The following CLEC2A variants were observed in gnomAD, a reference collection of about 807,000 sequenced individuals.
CLEC2A encodes the protein C-type lectin domain family 2 member A.
A neutral mutation model predicts 18.6 loss-of-function variants in CLEC2A; 19 were observed. The ratio of observed to expected loss-of-function variants is 1.02; its 90% CI spans 0.71 to 1.50. The LOEUF is 1.50. Ranked by LOEUF, CLEC2A falls within the 40% of genes most tolerant of loss-of-function variation. The probability of loss-of-function intolerance (pLI) is 0.00; values close to 1 mark genes in which losing one functional copy is unlikely to be tolerated. For synonymous variants in CLEC2A, 74 were observed against 64.0 expected, an observed-to-expected ratio of 1.16 and a Z score of -0.75; for missense variants, 190 against 207.9, an observed-to-expected ratio of 0.91 and a Z score of 0.53.
At chr12:9,916,570 T>A in intron 4 of CLEC2A, 130 bp downstream of exon 4, 1 of 681,188 alleles carries the variant, frequency 1.5e-6, no homozygotes, top group Non-Finnish European at 2.6e-6. Context: ...ATGTCATCGA[T>A]TGGAGACTGA....
chr12:9,917,248 T>C (rs1212299918), intron 3 of CLEC2A, among the ~76,000 whole-genome samples: 3 of 152,204 alleles, frequency 2.0e-5, no homozygotes, highest in Non-Finnish European at 4.4e-5. Context: ...TTCTGTGATA[T>C]ATGTGAAGGT....
At chr12:9,925,449 G>T (rs1219508378) in intron 2 of CLEC2A, among the ~76,000 whole-genome samples, 1 of 152,126 alleles carries the variant, frequency 6.6e-6, no homozygotes, top group African/African-American at 2.4e-5. Context: ...TCCTAGGTCT[G>T]GAATGTATTA....
the CLEC2A span, among the ~76,000 whole-genome samples, chr12:9,884,767 T>A: frequency 1.3e-5 from 2 of 151,418 alleles, no homozygotes; most frequent in African/African-American, 4.8e-5. Flanking sequence ...ATAATAGTAG[T>A]ATCTCCTTGG....
In CLEC2A at chr12:9,922,631, T is replaced by A. The variant is rs528588250; in HGVS notation, c.140-399A>T. On this transcript the variant is annotated intron_variant, in intron 2 of 4. Transcript: ENST00000455827. ...CCTTTACCTATGAAAACACCCAAGC[T>A]AGGAAAGTGAAACTTGCCATAAAGG... 4.6e-5 allele frequency among the ~76,000 whole-genome samples: 7 copies of A among 152,326 alleles called. No individual in the cohort carries two copies. The East Asian group carries it at 1.2e-3, about 25-fold the overall frequency.
At chr12:9,888,904 C>T in the CLEC2A span, 1 of 525,334 alleles carries the variant, frequency 1.9e-6, no homozygotes, top group Non-Finnish European at 3.4e-6. Context: ...AGGTATGGGG[C>T]TGAAAAGGAC....
At chr12:9,922,650 A>G (rs1303672626) in intron 2 of CLEC2A, among the ~76,000 whole-genome samples, 2 of 152,354 alleles carry the variant, frequency 1.3e-5, no homozygotes, top group East Asian at 3.8e-4. Context: ...GAAACTTGCC[A>G]TAAAGGACAA....
the CLEC2A span, chr12:9,881,530 G>T: frequency 1.7e-6 from 2 of 1,189,250 alleles, no homozygotes; most frequent in Non-Finnish European, 2.4e-6. Context: ...CATATCCAAG[G>T]TTGAGATTAG....
the CLEC2A span, among the ~76,000 whole-genome samples, chr12:9,884,615 ATATGT>A: frequency 1.4e-5 from 2 of 147,958 alleles, no homozygotes; most frequent in African/African-American, 2.5e-5. Context: ...ATTTTATATA[ATATGT>A]TATAACAAAT....
the CLEC2A span, among the ~76,000 whole-genome samples, chr12:9,888,542 TAAA>T: frequency 6.6e-6 from 1 of 152,006 alleles, no homozygotes; most frequent in African/African-American, 2.4e-5. Context: ...GATTTGCACT[TAAA>T]GGAGTAAAAA....
chr12:9,932,063 A>G (rs1385810663), intron 1 of CLEC2A, among the ~76,000 whole-genome samples: 1 of 152,228 alleles, frequency 6.6e-6, no homozygotes, highest in Non-Finnish European at 1.5e-5. Flanking sequence ...ATTCTGCCCC[A>G]AAACCTTCTT....
the CLEC2A span, among the ~76,000 whole-genome samples, chr12:9,890,065 T>C: frequency 1.1e-4 from 17 of 152,284 alleles, no homozygotes; most frequent in Middle Eastern, 3.4e-3. Flanking sequence ...ATATTTTCCA[T>C]CTGTATCTCC....
the CLEC2A span, among the ~76,000 whole-genome samples, chr12:9,889,746 C>T: frequency 5.9e-5 from 9 of 151,682 alleles, no homozygotes; most frequent in South Asian, 2.1e-4. Context: ...AACTCCAATA[C>T]GGTAATACAG....
chr12:9,893,176 A>G, the CLEC2A span: 1 of 1,528,820 alleles, frequency 6.5e-7, no homozygotes, highest in South Asian at 1.2e-5. Flanking sequence ...CTGGTGAGAA[A>G]TCAAAAACAG....
chr12:9,898,662 A>G (rs1591781987), downstream of CLEC2A: 2 of 448,262 alleles, frequency 4.5e-6, no homozygotes, highest in East Asian at 3.0e-5. Flanking sequence ...AAATGAGGCA[A>G]TTAACTCCTT....
chr12:9,905,396 T>C (rs934278295), intron 4 of CLEC2A, among the ~76,000 whole-genome samples: 2 of 152,334 alleles, frequency 1.3e-5, no homozygotes, highest in African/African-American at 2.4e-5. Flanking sequence ...TCTGTGCTAA[T>C]AGGCCTTTAG....
At chr12:9,917,465 T>G (rs1863091429) in intron 3 of CLEC2A, among the ~76,000 whole-genome samples, 2 of 152,228 alleles carry the variant, frequency 1.3e-5, no homozygotes, top group Non-Finnish European at 2.9e-5. Context: ...CTGAACAAAC[T>G]TCTGTGTTAA....
chr12:9,881,056 C>T, the CLEC2A span, among the ~76,000 whole-genome samples: 1,172 of 152,330 alleles, frequency 7.7e-3, 15 homozygotes, highest in African/African-American at 0.027. Context: ...CCGATTTTCA[C>T]TAACTTGAGA....
chr12:9,898,673 CAAG>C (rs1366009764), exon 5 of CLEC2A: 1 of 456,390 alleles, frequency 2.2e-6, no homozygotes, highest in Non-Finnish European at 4.0e-6. Flanking sequence ...TTAACTCCTT[CAAG>C]AAGTTTTCTG....
intron 3 of CLEC2A, among the ~76,000 whole-genome samples, chr12:9,920,610 G>C (rs1863154714): frequency 6.6e-6 from 1 of 152,070 alleles, no homozygotes; most frequent in African/African-American, 2.4e-5. Context: ...GTGTACCCTG[G>C]ATGTTTCAGT....
Sources: gnomAD v4.1 joint callset for allele counts (sites outside exome capture counted in the v4.1 genomes callset) on GRCh38, gnomAD v4.1.1 for gene constraint, MANE v1.5 for transcripts, NCBI Gene and HGNC (gene_info 2026-07-23, HGNC 2026-07-21) for gene names.